The following SMAP1 variants were observed in gnomAD, a reference collection of about 807,000 sequenced individuals.
SMAP1 encodes small ArfGAP 1.
In SMAP1, 24 loss-of-function variants were observed where a neutral mutation model predicts 58.5. That is an observed-to-expected ratio of 0.41 (90% CI 0.30 to 0.58). The LOEUF (loss-of-function observed/expected upper bound fraction) is 0.58, where lower values mean the gene tolerates loss of function less well. SMAP1 is among the 20% of genes least tolerant of loss of function. The pLI, the probability that SMAP1 is intolerant of heterozygous loss-of-function variation, is 0.29. For synonymous variants in SMAP1, 216 were observed against 196.6 expected, an observed-to-expected ratio of 1.10 and a Z score of -0.82; for missense variants, 563 against 566.3, an observed-to-expected ratio of 0.99 and a Z score of 0.06.
chr6:70,828,577 A>G (rs1243397393), intron 6 of SMAP1, among the ~76,000 whole-genome samples: 1 of 152,168 alleles, frequency 6.6e-6, no homozygotes, highest in Non-Finnish European at 1.5e-5. Context: ...TCCAGGAGTA[A>G]TATTTTTTCT....
intron 1 of SMAP1, among the ~76,000 whole-genome samples, chr6:70,672,228 A>C (rs1404784100): frequency 6.6e-6 from 1 of 152,214 alleles, no homozygotes; most frequent in African/African-American, 2.4e-5. Context: ...GGTTTTAAGA[A>C]ATAACTACCT....
chr6:70,733,768 C>T (rs753440730), intron 2 of SMAP1, among the ~76,000 whole-genome samples: 4 of 152,148 alleles, frequency 2.6e-5, no homozygotes, highest in East Asian at 1.9e-4. Flanking sequence ...AAAGCATTCA[C>T]GACCGAAGTA....
chr6:70,793,696 A>G (rs886374447), intron 5 of SMAP1, among the ~76,000 whole-genome samples: 6 of 150,904 alleles, frequency 4.0e-5, no homozygotes, highest in Non-Finnish European at 7.4e-5. Flanking sequence ...TTTGGAAACT[A>G]TGTCTTTATT....
At chr6:70,672,158 G>A (rs1168666871) in intron 1 of SMAP1, among the ~76,000 whole-genome samples, 3 of 152,242 alleles carry the variant, frequency 2.0e-5, no homozygotes, top group Non-Finnish European at 2.9e-5. Context: ...TTTGTTTAGT[G>A]TGGGTTGTGT....
chr6:70,676,409 C>CA (rs1242741244), intron 1 of SMAP1, among the ~76,000 whole-genome samples: 1 of 152,072 alleles, frequency 6.6e-6, no homozygotes. Flanking sequence ...CAAGGATGAA[C>CA]ATTAGAGGCT....
At chr6:70,758,084 A>G (rs367969883) in intron 3 of SMAP1, among the ~76,000 whole-genome samples, 10 of 151,520 alleles carry the variant, frequency 6.6e-5, no homozygotes, top group East Asian at 1.9e-4. Context: ...TGTTTATTGC[A>G]GCATTATTCA....
chr6:70,811,005 G>A (rs756659972), intron 6 of SMAP1, among the ~76,000 whole-genome samples: 1 of 152,146 alleles, frequency 6.6e-6, no homozygotes, highest in Non-Finnish European at 1.5e-5. Flanking sequence ...GTACAACTGT[G>A]TAATAACTTC....
At chr6:70,794,788 CTTTT>C (rs34050089) in intron 5 of SMAP1, among the ~76,000 whole-genome samples, 2 of 114,978 alleles carry the variant, frequency 1.7e-5, no homozygotes, top group Non-Finnish European at 1.8e-5. Context: ...ATTTTCTTTT[CTTTT>C]TTTTTTTTTT....
At chr6:70,721,746 G>A (rs977366525) in intron 1 of SMAP1, among the ~76,000 whole-genome samples, 3 of 152,170 alleles carry the variant, frequency 2.0e-5, no homozygotes, top group South Asian at 2.1e-4. Flanking sequence ...AATCATGGTC[G>A]GAAGTGAAAG....
intron 6 of SMAP1, among the ~76,000 whole-genome samples, chr6:70,799,313 G>C (rs1005509276): frequency 3.3e-5 from 5 of 152,142 alleles, no homozygotes; most frequent in African/African-American, 4.8e-5. Context: ...ATTCTTTTGG[G>C]GGGAGGAAAG....
At chr6:70,850,989 A>G (rs760437592) in intron 7 of SMAP1, among the ~76,000 whole-genome samples, 3 of 152,162 alleles carry the variant, frequency 2.0e-5, no homozygotes, top group African/African-American at 7.2e-5. Context: ...GTCTCAGTTT[A>G]AAATTCTATA....
At chr6:70,727,923 C>T (rs982115079) in intron 1 of SMAP1, among the ~76,000 whole-genome samples, 2 of 152,000 alleles carry the variant, frequency 1.3e-5, no homozygotes, top group East Asian at 1.9e-4. Context: ...ATTAGCTGGG[C>T]GTGGTGGTAT....
chr6:70,740,691 G>C (rs920677183), intron 2 of SMAP1, among the ~76,000 whole-genome samples: 3 of 152,170 alleles, frequency 2.0e-5, no homozygotes, highest in Non-Finnish European at 2.9e-5. Context: ...GGGCTAGACT[G>C]TCTCTCCCCA....
In SMAP1 at chr6:70,852,566, A is replaced by C; in HGVS notation, c.691A>C (p.Asn231His). The part of the protein sequence containing the change: ...LDGPAVAPVT[N>H]GNTTVPPLND... ...TGGCCCTGCTGTGGCACCAGTGACCAACGGGAACACAACGGTGCCACCCCT... is the reference window on the plus strand; with the variant it reads ...TGGCCCTGCTGTGGCACCAGTGACCCACGGGAACACAACGGTGCCACCCCT... The change falls in exon 8 of 11, where the codon AAC (asparagine) becomes CAC (histidine). Residue 231 changes from asparagine (N) to histidine (H), a missense_variant. Physicochemically the swap from Asn to His is moderately conservative, Grantham distance 68. Coordinates refer to ENST00000370455, the MANE Select transcript of SMAP1 (RefSeq NM_001044305.3). 1 of 1,605,216 alleles carries C rather than the reference A, an allele frequency of 6.2e-7. No homozygotes were observed. Among genetic ancestry groups the C allele is most frequent in the Non-Finnish European group, 8.5e-7 (1 of 1,175,714 alleles).
chr6:70,722,205 G>A (rs1178017339), intron 1 of SMAP1, among the ~76,000 whole-genome samples: 1 of 152,200 alleles, frequency 6.6e-6, no homozygotes, highest in Non-Finnish European at 1.5e-5. Context: ...TGCCTTCTGA[G>A]ATAATTAATG....
intron 6 of SMAP1, among the ~76,000 whole-genome samples, chr6:70,802,788 G>A (rs1158816288): frequency 6.6e-6 from 1 of 152,166 alleles, no homozygotes; most frequent in Non-Finnish European, 1.5e-5. Context: ...CTTTGGTTCT[G>A]TTTATGTGAT....
At chr6:70,838,323 A>G (rs1004879371) in intron 7 of SMAP1, among the ~76,000 whole-genome samples, 1 of 149,040 alleles carries the variant, frequency 6.7e-6, no homozygotes, top group African/African-American at 2.4e-5. Context: ...GCTACTGTCT[A>G]TTGTGTGTCA....
At chr6:70,681,902 C>G (rs969932684) in intron 1 of SMAP1, among the ~76,000 whole-genome samples, 1 of 152,038 alleles carries the variant, frequency 6.6e-6, no homozygotes, top group African/African-American at 2.4e-5. Flanking sequence ...GTAGGGGTTC[C>G]TTTTTCATGA....
intron 4 of SMAP1, among the ~76,000 whole-genome samples, chr6:70,788,037 C>G (rs1343622834): frequency 6.6e-6 from 1 of 152,058 alleles, no homozygotes; most frequent in African/African-American, 2.4e-5. Context: ...TTAACAAAGA[C>G]TTGGAACCAA....
Sources: gnomAD v4.1 joint callset for allele counts (sites outside exome capture counted in the v4.1 genomes callset) on GRCh38, gnomAD v4.1.1 for gene constraint, MANE v1.5 for transcripts, NCBI Gene and HGNC (gene_info 2026-07-23, HGNC 2026-07-21) for gene names.